The following PRIM2 variants were observed in gnomAD, a reference collection of about 807,000 sequenced individuals.
PRIM2 encodes the protein DNA primase large subunit.
Under a neutral mutation model 67.3 loss-of-function variants are expected in PRIM2, and 39 were observed. That is an observed-to-expected ratio of 0.58 (90% CI 0.45 to 0.76). PRIM2 has a LOEUF of 0.76. Ranked by LOEUF, PRIM2 falls within the 30% of genes least tolerant of loss-of-function variation. PRIM2 has a pLI of 0.00. For synonymous variants in PRIM2, 143 were observed against 198.7 expected, an observed-to-expected ratio of 0.72 and a Z score of 2.36; for missense variants, 398 against 598.7, an observed-to-expected ratio of 0.66 and a Z score of 3.50.
intron 7 of PRIM2, among the ~76,000 whole-genome samples, chr6:57,435,610 G>T (rs77143903): frequency 0.032 from 4,948 of 152,278 alleles, 265 homozygotes; most frequent in African/African-American, 0.11. Context: ...AATTTATTGA[G>T]CCTCAGTTCT....
chr6:57,549,344 G>A (rs1775354169), intron 10 of PRIM2, among the ~76,000 whole-genome samples: 4 of 152,264 alleles, frequency 2.6e-5, no homozygotes, highest in African/African-American at 9.6e-5. Context: ...CAGCAAAGGT[G>A]GCACATGATC....
the PRIM2 span, among the ~76,000 whole-genome samples, chr6:57,249,435 T>C: frequency 6.6e-6 from 1 of 152,082 alleles, no homozygotes; most frequent in Non-Finnish European, 1.5e-5. Context: ...GGTTATCTAA[T>C]GTGACATAAA....
intron 7 of PRIM2, among the ~76,000 whole-genome samples, chr6:57,437,737 C>T (rs1772060122): frequency 6.8e-6 from 1 of 147,288 alleles, no homozygotes; most frequent in Non-Finnish European, 1.5e-5. Flanking sequence ...GCGATCTTGG[C>T]TCACTGCAGC....
chr6:57,267,030 C>T, the PRIM2 span, among the ~76,000 whole-genome samples: 1 of 152,148 alleles, frequency 6.6e-6, no homozygotes, highest in Non-Finnish European at 1.5e-5. Context: ...CCTTTTGTAG[C>T]TTAGTTCTTT....
intron 5 of PRIM2, among the ~76,000 whole-genome samples, chr6:57,336,722 A>T (rs1236682300): frequency 6.6e-6 from 1 of 152,178 alleles, no homozygotes; most frequent in African/African-American, 2.4e-5. Flanking sequence ...CTAAACATGG[A>T]AAGGAACAAC....
At chr6:57,255,837 G>T in the PRIM2 span, among the ~76,000 whole-genome samples, 1 of 152,052 alleles carries the variant, frequency 6.6e-6, no homozygotes, top group Non-Finnish European at 1.5e-5. Context: ...TTAAGTATAG[G>T]AATGGCATAA....
At chr6:57,542,958 T>TTTTTTTTTTTTTTTTTTTTTTAGGG in intron 10 of PRIM2, among the ~76,000 whole-genome samples, 1 of 132,408 alleles carries the variant, frequency 7.6e-6, no homozygotes, top group Admixed American at 7.5e-5. Flanking sequence ...TTTTTTTTTT[T>TTTTTTTTTTTTTTTTTTTTTTAGGG]GAGACGGAGT....
intron 5 of PRIM2, among the ~76,000 whole-genome samples, chr6:57,362,098 A>G (rs1163553599): frequency 5.9e-5 from 9 of 152,210 alleles, no homozygotes; most frequent in African/African-American, 2.2e-4. Flanking sequence ...AATTGGGTCA[A>G]CAAATAGGAT....
intron 7 of PRIM2, among the ~76,000 whole-genome samples, chr6:57,487,044 G>C (rs1773770274): frequency 6.6e-6 from 1 of 152,246 alleles, no homozygotes; most frequent in South Asian, 2.1e-4. Flanking sequence ...AGCCCTTGAA[G>C]TTTTATAGTC....
At chr6:57,227,505 G>A in the PRIM2 span, among the ~76,000 whole-genome samples, 5 of 151,934 alleles carry the variant, frequency 3.3e-5, no homozygotes, top group Admixed American at 2.0e-4. Flanking sequence ...TTAGCTGGGC[G>A]TTGTGGCGCA....
At chr6:57,550,726 G>A (rs1775384467) in intron 10 of PRIM2, among the ~76,000 whole-genome samples, 2 of 152,020 alleles carry the variant, frequency 1.3e-5, no homozygotes, top group Admixed American at 1.3e-4. Context: ...TTTAAAAGGT[G>A]GGTCAAATTT....
At chr6:57,377,247 T>A (rs1370307087) in intron 5 of PRIM2, among the ~76,000 whole-genome samples, 7 of 152,174 alleles carry the variant, frequency 4.6e-5, no homozygotes, top group African/African-American at 1.4e-4. Context: ...TTTAATAATT[T>A]GTCGTGGATA....
the PRIM2 span, among the ~76,000 whole-genome samples, chr6:57,292,790 A>G: frequency 6.6e-6 from 1 of 152,238 alleles, no homozygotes; most frequent in African/African-American, 2.4e-5. Flanking sequence ...AGTTATATGT[A>G]GAAAGCTGAA....
rs560158329 is a variant in PRIM2 at position 57,374,704 on chromosome 6, C to T, written c.460-5197C>T. The stretch of plus-strand genomic sequence containing the variant: ...CTCCCAGGTTCAAGTGATCTTCCTG[C>T]CTCAGCCCACTGAGTAGCTGGGATT... On this transcript the variant is annotated intron_variant, in intron 5 of 13. Coordinates refer to ENST00000615550, the MANE Select transcript of PRIM2 (RefSeq NM_000947.5). Among the ~76,000 whole-genome samples, 121 of 152,250 alleles carry T rather than the reference C, an allele frequency of 7.9e-4. No homozygotes were observed. The East Asian group carries it at 0.022, about 28-fold the overall frequency.
chr6:57,617,512 C>T (rs1300457436), intron 12 of PRIM2, among the ~76,000 whole-genome samples: 10 of 152,118 alleles, frequency 6.6e-5, no homozygotes, highest in Middle Eastern at 3.2e-3. Flanking sequence ...TGAATAATGA[C>T]GTTGAGCATC....
chr6:57,522,837 T>G lies in PRIM2; in HGVS notation c.762-9574T>G, dbSNP rs1436543906. Among the ~76,000 whole-genome samples, 5 of 152,302 alleles carry G rather than the reference T, an allele frequency of 3.3e-5. No homozygotes were observed. The East Asian group carries it at 9.6e-4, about 29-fold the overall frequency. On this transcript the variant is annotated intron_variant, in intron 8 of 13. Coordinates refer to ENST00000615550, the MANE Select transcript of PRIM2 (RefSeq NM_000947.5). ...ATGGATACTATATAACAGTAAAGCT[T>G]TATAAAAATGGATTTCATTTAAATC... is the stretch of plus-strand genomic sequence containing the variant.
At chr6:57,319,531 A>T (rs534587164) in intron 2 of PRIM2, among the ~76,000 whole-genome samples, 1 of 152,354 alleles carries the variant, frequency 6.6e-6, no homozygotes, top group Admixed American at 6.5e-5. Flanking sequence ...CAGTGTCAAT[A>T]CTTCATAGGG....
At chr6:57,366,276 C>G (rs10949026) in intron 5 of PRIM2, among the ~76,000 whole-genome samples, 2 of 151,522 alleles carry the variant, frequency 1.3e-5, no homozygotes, top group Non-Finnish European at 2.9e-5. Context: ...AGACATGGTG[C>G]GCTATAGGAA....
chr6:57,454,751 A>AT (rs1163259144), intron 7 of PRIM2, among the ~76,000 whole-genome samples: 8 of 152,130 alleles, frequency 5.3e-5, no homozygotes, highest in Admixed American at 2.0e-4. Flanking sequence ...GGATTCATTG[A>AT]TTTTTTGAAG....
Sources: allele counts gnomAD v4.1 joint callset (sites outside exome capture counted in the v4.1 genomes callset), GRCh38; gene constraint gnomAD v4.1.1; transcripts MANE v1.5; gene names NCBI Gene and HGNC (gene_info 2026-07-23, HGNC 2026-07-21).